NPFFR2: variants seen among roughly 807,000 people sequenced by gnomAD.
NPFFR2 encodes neuropeptide FF receptor 2, also known as G-protein coupled receptor 74.
In NPFFR2, 15 loss-of-function variants were observed where a neutral mutation model predicts 13.1. The ratio of observed to expected loss-of-function variants is 1.15; its 90% CI spans 0.77 to 1.76. The LOEUF (loss-of-function observed/expected upper bound fraction) is 1.76. NPFFR2 is among the 40% of genes most tolerant of loss of function. NPFFR2 has a pLI of 0.00. For missense variants in NPFFR2, 572 were observed against 503.5 expected (o/e 1.14, Z -1.30); for synonymous variants, 190 against 175.7 (o/e 1.08, Z -0.65).
chr4:72,127,351 A>ATTTTTTTTTTTT (rs1560419389), intron 1 of NPFFR2, among the ~76,000 whole-genome samples: 2 of 123,386 alleles, frequency 1.6e-5, no homozygotes, highest in African/African-American at 6.8e-5. Context: ...ATTCTAAATA[A>ATTTTTTTTTTTT]TTTCTTTTCT....
At chr4:72,037,363 C>T (rs1719066855) in intron 1 of NPFFR2, among the ~76,000 whole-genome samples, 1 of 150,308 alleles carries the variant, frequency 6.7e-6, no homozygotes, top group African/African-American at 2.5e-5. Context: ...ATGATTATGC[C>T]ACTGCACTCC....
rs75516816 is a variant in NPFFR2 at position 72,047,513 on chromosome 4, A to C, written c.-8+15313A>C. On this transcript the variant is annotated intron_variant, in intron 1 of 3. Transcript: ENST00000308744. The stretch of plus-strand genomic sequence containing the variant: ...TAACATTTTGATTTAACCCTTTTCC[A>C]AGTGGGCATGCCCAGTCAGGGATCT... 3.0e-3 allele frequency among the ~76,000 whole-genome samples: 451 copies of C among 152,122 alleles called. 2 individuals are homozygous for C. Among genetic ancestry groups the C allele is most frequent in the African/African-American group, 0.011 (443 of 41,500 alleles).
At chr4:72,032,236 C>T (rs752907007) in intron 1 of NPFFR2, 36 bp downstream of exon 1, 5 of 1,551,562 alleles carry the variant, frequency 3.2e-6, no homozygotes, top group Non-Finnish European at 4.4e-6. Context: ...GGGGCCCCCG[C>T]TTGGGGGCGC....
intron 3 of NPFFR2, among the ~76,000 whole-genome samples, chr4:72,145,179 C>T (rs896169219): frequency 4.0e-5 from 6 of 150,964 alleles, no homozygotes; most frequent in Non-Finnish European, 7.4e-5. Flanking sequence ...TATATACACA[C>T]AAACACATAT....
intron 1 of NPFFR2, among the ~76,000 whole-genome samples, chr4:72,076,101 C>T (rs763179016): frequency 1.5e-4 from 22 of 151,416 alleles, no homozygotes; most frequent in Admixed American, 4.6e-4. Flanking sequence ...TAAGGCTAGA[C>T]GGCATAGATA....
chr4:72,069,345 A>G (rs1720176672), intron 1 of NPFFR2, among the ~76,000 whole-genome samples: 1 of 152,158 alleles, frequency 6.6e-6, no homozygotes, highest in South Asian at 2.1e-4. Flanking sequence ...TTTAAAAACT[A>G]TAATTGTACA....
chr4:72,147,150 AGTCCAGTCTACTG>A lies in NPFFR2; in HGVS notation c.604_616del (p.Pro202AlafsTer10). ...GAGACTCAACTCCCAGAATAAAACCAGTCCAGTCTACTGGTGCCGGGAAGACTGGCCAAATCAG... is the reference window on the plus strand; with the variant it reads ...GAGACTCAACTCCCAGAATAAAACCAGTGCCGGGAAGACTGGCCAAATCAG... On this transcript the variant is annotated frameshift_variant, in exon 4 of 4. Coordinates refer to ENST00000308744, the MANE Select transcript of NPFFR2 (RefSeq NM_004885.3). LOFTEE classifies it low-confidence loss of function (END_TRUNC). 1 of 1,614,210 alleles carries A rather than the reference AGTCCAGTCTACTG, an allele frequency of 6.2e-7. No individual in the cohort carries two copies. Among genetic ancestry groups the A allele is most frequent in the Non-Finnish European group, 8.5e-7 (1 of 1,180,038 alleles).
intron 3 of NPFFR2, among the ~76,000 whole-genome samples, chr4:72,141,864 A>C (rs1462328594): frequency 1.3e-5 from 2 of 152,138 alleles, no homozygotes; most frequent in Admixed American, 1.3e-4. Context: ...TGGGGTGTTA[A>C]AGTCTCCCAT....
At chr4:72,119,035 A>C (rs1384569564) in intron 1 of NPFFR2, among the ~76,000 whole-genome samples, 1 of 146,684 alleles carries the variant, frequency 6.8e-6, no homozygotes, top group East Asian at 1.9e-4. Flanking sequence ...ATTGAACAGG[A>C]TTTGTTTTCC....
chr4:72,077,727 G>A (rs140991529), intron 1 of NPFFR2, among the ~76,000 whole-genome samples: 27 of 152,148 alleles, frequency 1.8e-4, no homozygotes, highest in African/African-American at 6.5e-4. Flanking sequence ...GATTTGTCCC[G>A]ATTTTTAAGG....
At chr4:72,059,648 GC>G (rs1386294142) in intron 1 of NPFFR2, among the ~76,000 whole-genome samples, 1 of 151,958 alleles carries the variant, frequency 6.6e-6, no homozygotes, top group East Asian at 1.9e-4. Context: ...CTTTAACTTG[GC>G]CCTTCGTATT....
At chr4:72,072,370 G>A (rs1438994938) in intron 1 of NPFFR2, among the ~76,000 whole-genome samples, 2 of 151,698 alleles carry the variant, frequency 1.3e-5, no homozygotes, top group African/African-American at 4.8e-5. Flanking sequence ...TGAAGAGACA[G>A]AAAACCTAAA....
intron 1 of NPFFR2, among the ~76,000 whole-genome samples, chr4:72,070,107 G>A (rs1195389720): frequency 6.6e-6 from 1 of 152,184 alleles, no homozygotes; most frequent in Non-Finnish European, 1.5e-5. Context: ...TCTCACAGGT[G>A]AAAAGTTGAA....
chr4:72,119,181 A>C (rs1721796649), intron 1 of NPFFR2, among the ~76,000 whole-genome samples: 1 of 152,202 alleles, frequency 6.6e-6, no homozygotes, highest in Admixed American at 6.5e-5. Flanking sequence ...GGTTGGATTC[A>C]AATTTTTTTG....
intron 1 of NPFFR2, among the ~76,000 whole-genome samples, chr4:72,099,831 A>G (rs925633783): frequency 3.3e-5 from 5 of 152,148 alleles, no homozygotes; most frequent in Admixed American, 2.6e-4. Context: ...TCTTTATGCT[A>G]CTATCCCTAG....
chr4:72,038,408 A>G (rs1719098832), intron 1 of NPFFR2, among the ~76,000 whole-genome samples: 1 of 152,230 alleles, frequency 6.6e-6, no homozygotes, highest in Non-Finnish European at 1.5e-5. Context: ...AGTGCATAGT[A>G]GATACTCAGA....
At chr4:72,095,498 A>G (rs930232327) in intron 1 of NPFFR2, among the ~76,000 whole-genome samples, 1 of 152,252 alleles carries the variant, frequency 6.6e-6, no homozygotes, top group Non-Finnish European at 1.5e-5. Flanking sequence ...AAAGACAGCT[A>G]AACATTTTCT....
intron 1 of NPFFR2, among the ~76,000 whole-genome samples, chr4:72,051,710 G>A (rs1158796719): frequency 6.6e-6 from 1 of 152,040 alleles, no homozygotes; most frequent in Non-Finnish European, 1.5e-5. Flanking sequence ...CCAGGATCTG[G>A]TTCTTTGAAA....
chr4:72,109,486 T>A (rs759254738), intron 1 of NPFFR2, among the ~76,000 whole-genome samples: 1 of 152,038 alleles, frequency 6.6e-6, no homozygotes, highest in Non-Finnish European at 1.5e-5. Context: ...TAAATGATTT[T>A]CTCTGTTGAC....
Sources: gnomAD v4.1 joint callset for allele counts (sites outside exome capture counted in the v4.1 genomes callset) on GRCh38, gnomAD v4.1.1 for gene constraint, MANE v1.5 for transcripts, NCBI Gene and HGNC (gene_info 2026-07-23, HGNC 2026-07-21) for gene names.